CREBRF: variants seen among roughly 807,000 people sequenced by gnomAD.
CREBRF encodes CREB3 regulatory factor.
CREBRF carries 5 observed loss-of-function variants against 66.1 expected under a neutral mutation model. The observed-to-expected ratio is 0.08, with a 90% confidence interval of 0.04 to 0.16. The LOEUF (loss-of-function observed/expected upper bound fraction) is 0.16, where lower values mean the gene tolerates loss of function less well. CREBRF is among the 10% of genes least tolerant of loss of function. The pLI is 1.00. For missense variants in CREBRF, 531 were observed against 744.9 expected (o/e 0.71, Z 3.34); for synonymous variants, 229 against 264.4 (o/e 0.87, Z 1.30).
chr5:173,076,254 C>T (rs925964040), intron 1 of CREBRF, among the ~76,000 whole-genome samples: 1 of 152,090 alleles, frequency 6.6e-6, no homozygotes, highest in Non-Finnish European at 1.5e-5. Flanking sequence ...AGAGCCCACT[C>T]CTGTGTCCAG....
At chr5:173,085,599 T>C in intron 2 of CREBRF, 1 of 561,624 alleles carries the variant, frequency 1.8e-6, no homozygotes, top group Non-Finnish European at 3.2e-6. Context: ...GTGTTTTTAG[T>C]AGAGACAGGG....
In CREBRF at chr5:173,138,534, T is replaced by C. The variant is rs917230127; in HGVS notation, c.*4789T>C. ...ACTACTTCCAAACAGTATTTTGGAATTGAAGACTTGGTAACTAGTGAAGAA... is the reference window on the plus strand; with the variant it reads ...ACTACTTCCAAACAGTATTTTGGAACTGAAGACTTGGTAACTAGTGAAGAA... On this transcript the variant is annotated 3_prime_UTR_variant, in exon 9 of 9. Coordinates refer to ENST00000296953, the MANE Select transcript of CREBRF (RefSeq NM_153607.3). 6.6e-6 allele frequency: 1 copy of C among 152,166 alleles called. No individual in the cohort carries two copies. Among genetic ancestry groups the C allele is most frequent in the East Asian group, 1.9e-4 (1 of 5,198 alleles). The allele number at this position is 152,166 out of a possible 1,614,324, so 9.4% of individuals were successfully genotyped here. A position where few individuals can be genotyped will look rare whatever the true frequency, so the allele number is the denominator to read the frequency against.
rs1471630003 is a variant in CREBRF at position 173,138,808 on chromosome 5, CCTT to C, written c.*5067_*5069del. ...CTGTATTCCACTGCCTGCTTTTTTA[CCTT>C]CTTTCCCTAGGATTTGTCCTACAGC... is the stretch of plus-strand genomic sequence containing the variant. On this transcript the variant is annotated 3_prime_UTR_variant, in exon 9 of 9. Transcript: ENST00000296953. The C allele has an allele frequency of 1.3e-5, 2 of 152,130 alleles. No individual in the cohort carries two copies. Among genetic ancestry groups the C allele is most frequent in the Non-Finnish European group, 2.9e-5 (2 of 68,030 alleles). 9.4% of individuals were successfully genotyped at this position (152,130 alleles called of 1,614,324 possible).
At chr5:173,122,362 A>G (rs904390596) in intron 7 of CREBRF, among the ~76,000 whole-genome samples, 1 of 152,018 alleles carries the variant, frequency 6.6e-6, no homozygotes, top group African/African-American at 2.4e-5. Context: ...TGGTCTCCCA[A>G]AGTGTTGGGA....
chr5:173,058,700 C>T (rs374685743), intron 1 of CREBRF, among the ~76,000 whole-genome samples: 93 of 148,384 alleles, frequency 6.3e-4, no homozygotes, highest in East Asian at 1.0e-3. Context: ...TTAGCCAGGA[C>T]GGTCTCGATC....
At chr5:173,080,438 C>T in intron 1 of CREBRF, 147 bp from the exon 2 acceptor site, 1 of 262,060 alleles carries the variant, frequency 3.8e-6, no homozygotes, top group Non-Finnish European at 7.2e-6. Flanking sequence ...AAGATATGAC[C>T]AAATCCTTGA....
At chr5:173,059,408 G>A (rs889307516) in intron 1 of CREBRF, among the ~76,000 whole-genome samples, 5 of 151,716 alleles carry the variant, frequency 3.3e-5, no homozygotes, top group Admixed American at 6.6e-5. Context: ...GGGATTACAG[G>A]CGCCCACCAC....
Position 173,129,106 on chromosome 5 carries a change from C to CTTTTTTTT in CREBRF, c.1805-4503_1805-4496dup, listed in dbSNP as rs70984946. Among the ~76,000 whole-genome samples the CTTTTTTTT allele has an allele frequency of 3.1e-3, 168 of 53,748 alleles. 20 individuals carry two copies. Among genetic ancestry groups the CTTTTTTTT allele is most frequent in the African/African-American group, 7.3e-3 (90 of 12,288 alleles). 35.3% of individuals were successfully genotyped at this position (53,748 alleles called of 152,430 possible). A position where few individuals can be genotyped will look rare whatever the true frequency, so the allele number is the denominator to read the frequency against. On this transcript the variant is annotated intron_variant, in intron 8 of 8. Coordinates refer to ENST00000296953, the MANE Select transcript of CREBRF (RefSeq NM_153607.3). Reference sequence around the variant, plus strand: ...CTGAATCATTTTATATTAGTTACATCTTTTTTTTTTTTTTTTTTTTTTTTT... The same window carrying CTTTTTTTT: ...CTGAATCATTTTATATTAGTTACATCTTTTTTTTTTTTTTTTTTTTTTTTTTTTTTTTT...
chr5:173,057,410 G>T (rs1467174653), intron 1 of CREBRF: 1 of 152,366 alleles, frequency 6.6e-6, no homozygotes. Context: ...GAGTCCGATC[G>T]GACCAGGAAG....
intron 8 of CREBRF, among the ~76,000 whole-genome samples, chr5:173,130,861 T>C (rs776281572): frequency 9.9e-5 from 15 of 152,248 alleles, no homozygotes; most frequent in Non-Finnish European, 1.9e-4. Flanking sequence ...TACACCACCA[T>C]GCCTGGCTAA....
At chr5:173,096,539 C>T (rs1221293554) in intron 4 of CREBRF, among the ~76,000 whole-genome samples, 1 of 146,454 alleles carries the variant, frequency 6.8e-6, no homozygotes, top group African/African-American at 2.5e-5. Context: ...CTCCCCTCCC[C>T]TTCCCTTTCC....
chr5:173,121,308 A>G (rs566527487), intron 7 of CREBRF, among the ~76,000 whole-genome samples: 11 of 145,802 alleles, frequency 7.5e-5, no homozygotes, highest in African/African-American at 2.8e-4. Context: ...TCCCTCCTTT[A>G]CTTACTTTGA....
intron 4 of CREBRF, 113 bp downstream of exon 4, chr5:173,091,514 A>G: frequency 6.7e-7 from 1 of 1,494,482 alleles, no homozygotes; most frequent in Middle Eastern, 2.5e-4. Context: ...TTTGGGAATT[A>G]AATGACTTAA....
chr5:173,113,458 G>A (rs559846496), intron 7 of CREBRF, among the ~76,000 whole-genome samples: 3 of 152,034 alleles, frequency 2.0e-5, no homozygotes, highest in South Asian at 4.2e-4. Flanking sequence ...ACAGGCCCAC[G>A]CACCACACCT....
At chr5:173,093,790 TACAGGC>T (rs1758408440) in intron 4 of CREBRF, among the ~76,000 whole-genome samples, 1 of 152,238 alleles carries the variant, frequency 6.6e-6, no homozygotes, top group Non-Finnish European at 1.5e-5. Flanking sequence ...GTGCTGGAAT[TACAGGC>T]GTGAGCCACC....
chr5:173,091,845 G>T, intron 4 of CREBRF: 4 of 938,494 alleles, frequency 4.3e-6, no homozygotes, highest in South Asian at 4.9e-5. Flanking sequence ...AGCACTTTGG[G>T]AGGCCGAGGT....
intron 2 of CREBRF, among the ~76,000 whole-genome samples, chr5:173,082,732 A>G (rs898306215): frequency 6.6e-6 from 1 of 151,324 alleles, no homozygotes; most frequent in Non-Finnish European, 1.5e-5. Flanking sequence ...ACATGGTGAA[A>G]CCCTGTCTCT....
chr5:173,091,352 T>A lies in CREBRF; in HGVS notation c.1173T>A (p.Asp391Glu), dbSNP rs746424241. The change falls in exon 4 of 9, where the codon GAT (aspartate) becomes GAA (glutamate). Residue 391 changes from aspartate (D) to glutamate (E), a missense_variant. Physicochemically the swap from Asp to Glu is conservative, Grantham distance 45 (BLOSUM62 2). Around this residue, in one of 5 missense-constraint regions of CREBRF, gnomAD observed 309 missense variants for 341.4 expected, o/e 0.90. Transcript: ENST00000296953. ...AGGAGGAGGAAGAAGAGGAAGAGGA[T>A]TATGAAGATGACAAGGATGATGATA... is the stretch of plus-strand genomic sequence containing the variant. ...ENEEEEEEEE[D>E]YEDDKDDDIS... 2.5e-5 allele frequency: 40 copies of A among 1,613,432 alleles called. No homozygotes were observed. The East Asian group carries it at 8.9e-4, about 36-fold the overall frequency.
At chr5:173,123,681 C>T (rs1759196758) in intron 8 of CREBRF, 1 of 155,198 alleles carries the variant, frequency 6.4e-6, no homozygotes, top group Admixed American at 6.5e-5. Flanking sequence ...AGAGAGCTAG[C>T]TAGTATAGAC....
Sources: gnomAD v4.1 joint callset for allele counts (sites outside exome capture counted in the v4.1 genomes callset) on GRCh38, gnomAD v4.1.1 for gene constraint, gnomAD v4.1.1 regional missense constraint, MANE v1.5 for transcripts, NCBI Gene and HGNC (gene_info 2026-07-23, HGNC 2026-07-21) for gene names.